The following ROBO2 variants were observed in gnomAD, a reference collection of about 807,000 sequenced individuals.
The protein encoded by ROBO2 is roundabout guidance receptor 2, also known as roundabout homolog 2.
A neutral mutation model predicts 160.8 loss-of-function variants in ROBO2; 53 were observed. The observed-to-expected ratio is 0.33, with a 90% CI of 0.26 to 0.41. The LOEUF (loss-of-function observed/expected upper bound fraction) is 0.41. Ranked by LOEUF, ROBO2 falls within the 10% of genes least tolerant of loss-of-function variation. The probability of loss-of-function intolerance (pLI) is 1.00; values close to 1 mark genes in which losing one functional copy is unlikely to be tolerated. For synonymous variants in ROBO2, 664 were observed against 611.7 expected (o/e 1.09, Z -1.26); for missense variants, 1,577 against 1,722.4 (o/e 0.92, Z 1.49).
At chr3:77,219,468 G>GTATATATATATATAATCTGTATATA (rs2085463608) in intron 2 of ROBO2, among the ~76,000 whole-genome samples, 10 of 122,238 alleles carry the variant, frequency 8.2e-5, no homozygotes, top group Non-Finnish European at 1.5e-4. Flanking sequence ...ATGTATCTGT[G>GTATATATATATATAATCTGTATATA]TATATATATA....
chr3:76,233,066 A>G (rs1379983582), intron 2 of ROBO2, among the ~76,000 whole-genome samples: 1 of 152,068 alleles, frequency 6.6e-6, no homozygotes, highest in South Asian at 2.1e-4. Flanking sequence ...TATTCTTCCT[A>G]TTGAATTCAT....
At chr3:76,627,067 G>T (rs766359772) in intron 2 of ROBO2, among the ~76,000 whole-genome samples, 2 of 152,166 alleles carry the variant, frequency 1.3e-5, no homozygotes, top group Admixed American at 6.5e-5. Flanking sequence ...ACTTGTAGAG[G>T]TAGTGGATAT....
At chr3:77,328,684 A>G (rs1371065473) in intron 2 of ROBO2, among the ~76,000 whole-genome samples, 2 of 152,194 alleles carry the variant, frequency 1.3e-5, no homozygotes, top group African/African-American at 4.8e-5. Flanking sequence ...ACCTTTTCAC[A>G]TTGCATTGCC....
chr3:76,810,895 A>G (rs1423663363), intron 2 of ROBO2, among the ~76,000 whole-genome samples: 1 of 152,158 alleles, frequency 6.6e-6, no homozygotes, highest in Non-Finnish European at 1.5e-5. Flanking sequence ...AGACTAAACT[A>G]TTTAGTGACA....
At chr3:76,127,792 C>T (rs2071049771) in intron 2 of ROBO2, among the ~76,000 whole-genome samples, 1 of 151,574 alleles carries the variant, frequency 6.6e-6, no homozygotes, top group African/African-American at 2.4e-5. Context: ...CAATAAGAAA[C>T]CTGTTTTACA....
rs540182853 is a variant in ROBO2 at position 76,626,167 on chromosome 3, A to G, written c.110-471847A>G. Among the ~76,000 whole-genome samples the G allele has an allele frequency of 1.5e-4, 23 of 152,326 alleles. 1 individual carries two copies. The East Asian group carries it at 4.4e-3, about 29-fold the overall frequency. On this transcript the variant is annotated intron_variant, in intron 2 of 26. Transcript: ENST00000487694. The stretch of plus-strand genomic sequence containing the variant: ...AACTGAAAGGATGGGGTCACCATGT[A>G]TTGAAATGGAAAACACTGTCATAAA...
At chr3:77,543,859 A>G (rs2092587030) in intron 6 of ROBO2, among the ~76,000 whole-genome samples, 1 of 152,182 alleles carries the variant, frequency 6.6e-6, no homozygotes, top group Admixed American at 6.5e-5. Flanking sequence ...CAAATTAACT[A>G]ATCAGCTAAA....
intron 2 of ROBO2, among the ~76,000 whole-genome samples, chr3:76,629,498 A>G (rs1380449327): frequency 6.6e-6 from 1 of 152,176 alleles, no homozygotes; most frequent in Non-Finnish European, 1.5e-5. Flanking sequence ...AGCATCCTGC[A>G]TGCAGAAAGA....
At chr3:76,344,311 A>G (rs1007042746) in intron 2 of ROBO2, among the ~76,000 whole-genome samples, 1 of 152,168 alleles carries the variant, frequency 6.6e-6, no homozygotes, top group Non-Finnish European at 1.5e-5. Context: ...TAACACAACT[A>G]TACAAAAGTG....
At chr3:76,285,491 T>A (rs879298389) in intron 2 of ROBO2, among the ~76,000 whole-genome samples, 129 of 152,186 alleles carry the variant, frequency 8.5e-4, no homozygotes, top group African/African-American at 2.5e-3. Flanking sequence ...TAATATATTT[T>A]ACTATTAAAA....
chr3:77,539,992 C>A (rs1319569653), intron 6 of ROBO2, among the ~76,000 whole-genome samples: 1 of 152,112 alleles, frequency 6.6e-6, no homozygotes, highest in Non-Finnish European at 1.5e-5. Context: ...AGTTTGGGGA[C>A]AAATGAGTGT....
At chr3:76,847,714 G>A (rs2068906593) in intron 2 of ROBO2, among the ~76,000 whole-genome samples, 1 of 151,880 alleles carries the variant, frequency 6.6e-6, no homozygotes, top group Non-Finnish European at 1.5e-5. Context: ...TATTTTTCTT[G>A]CTATCTTCTT....
chr3:76,614,689 G>A (rs1163656979), intron 2 of ROBO2, among the ~76,000 whole-genome samples: 2 of 152,052 alleles, frequency 1.3e-5, no homozygotes, highest in African/African-American at 4.8e-5. Flanking sequence ...GCTGCATAAT[G>A]CATGCGCAAT....
intron 1 of ROBO2, among the ~76,000 whole-genome samples, chr3:77,046,844 G>C (rs1417229077): frequency 6.6e-6 from 1 of 152,214 alleles, no homozygotes; most frequent in East Asian, 1.9e-4. Flanking sequence ...GCTTGGCTCT[G>C]TGAAGAACAT....
rs565765038 is a variant in ROBO2 at position 77,645,755 on chromosome 3, A to G, written c.4136-299A>G. ...TAATCTATTATTAAGATTCATTTAT[A>G]ATTTTAATTTGATTCATAACTACTT... On this transcript the variant is annotated intron_variant, in intron 25 of 25. Coordinates refer to ENST00000461745, the Ensembl canonical transcript of ROBO2. 7.9e-5 allele frequency among the ~76,000 whole-genome samples: 12 copies of G among 152,304 alleles called. No homozygotes were observed. In the East Asian group the frequency reaches 1.7e-3, roughly 22 times the overall value.
chr3:76,472,631 A>T (rs1393771596), intron 2 of ROBO2, among the ~76,000 whole-genome samples: 2 of 152,138 alleles, frequency 1.3e-5, no homozygotes, highest in African/African-American at 2.4e-5. Context: ...TTAATCTTTA[A>T]TTTTTTACCC....
rs1186343024 is a variant in ROBO2 at position 76,048,279 on chromosome 3, C to T, written c.109+110677C>T. Among the ~76,000 whole-genome samples the T allele has an allele frequency of 3.3e-5, 5 of 152,076 alleles. No individual in the cohort carries two copies. The East Asian group carries it at 9.6e-4, about 29-fold the overall frequency. On this transcript the variant is annotated intron_variant, in intron 2 of 26. Transcript: ENST00000487694. The stretch of plus-strand genomic sequence containing the variant: ...GGGTTTGGCAAAGCTCTATCTTCTG[C>T]TAGTGATAGAGCAATTCTGATTGAA...
At chr3:76,096,527 G>A (rs957167297) in intron 2 of ROBO2, among the ~76,000 whole-genome samples, 8 of 151,980 alleles carry the variant, frequency 5.3e-5, no homozygotes, top group Admixed American at 2.6e-4. Context: ...ATGCATTTGA[G>A]TGTTTATTTT....
intron 2 of ROBO2, among the ~76,000 whole-genome samples, chr3:76,888,423 AGGCCCAGGCT>A (rs1559655692): frequency 2.5e-3 from 375 of 152,320 alleles, no homozygotes; most frequent in African/African-American, 8.6e-3. Flanking sequence ...GAACATCAGC[AGGCCCAGGCT>A]TAATACTTAT....
Sources: gnomAD v4.1 joint callset for allele counts (sites outside exome capture counted in the v4.1 genomes callset) on GRCh38, gnomAD v4.1.1 for gene constraint, MANE v1.5 for transcripts, NCBI Gene and HGNC (gene_info 2026-07-23, HGNC 2026-07-21) for gene names.